OTUD6B: variants seen among roughly 807,000 people sequenced by gnomAD.
OTUD6B encodes OTU deubiquitinase 6B.
In OTUD6B, 41 loss-of-function variants were observed where a neutral mutation model predicts 36.9. The ratio of observed to expected loss-of-function variants is 1.11; its 90% CI spans 0.87 to 1.44. OTUD6B has a LOEUF of 1.44. Among genes scored for constraint, OTUD6B ranks in the 40% most tolerant of loss-of-function variants. OTUD6B has a pLI of 0.00. For synonymous variants in OTUD6B, 114 were observed against 114.2 expected, an observed-to-expected ratio of 1.00 and a Z score of 0.01; for missense variants, 356 against 344.8, an observed-to-expected ratio of 1.03 and a Z score of -0.26.
chr8:91,082,479 T>C (rs996166289), intron 5 of OTUD6B, among the ~76,000 whole-genome samples: 1 of 151,968 alleles, frequency 6.6e-6, no homozygotes, highest in Non-Finnish European at 1.5e-5. Flanking sequence ...CTTCTAGGCT[T>C]AAGCTTTCCT....
In OTUD6B at chr8:91,074,229, T is replaced by A. The variant is rs531069788; in HGVS notation, c.315+318T>A. On this transcript the variant is annotated intron_variant, in intron 3 of 6. Coordinates refer to ENST00000404789, the MANE Select transcript of OTUD6B (RefSeq NM_016023.5). ...TGCAGCTCTCATAGGAGAGCGAAGC[T>A]GGGAGTGGGAGTGCAAAGTAGTTTT... is the stretch of plus-strand genomic sequence containing the variant. Among the ~76,000 whole-genome samples the A allele has an allele frequency of 3.9e-5, 6 of 152,242 alleles. No individual in the cohort carries two copies. In the South Asian group the frequency reaches 1.2e-3, roughly 32 times the overall value.
intron 5 of OTUD6B, among the ~76,000 whole-genome samples, chr8:91,081,433 T>A (rs1812905690): frequency 6.6e-6 from 1 of 151,294 alleles, no homozygotes; most frequent in Non-Finnish European, 1.5e-5. Context: ...GCAGCCTGGG[T>A]ATTAAATAGG....
Position 91,080,696 on chromosome 8 carries a change from T to A in OTUD6B, c.656T>A (p.Ile219Asn). The stretch of plus-strand genomic sequence containing the variant: ...GAATTTCAGAAGTACTGTGAAGATA[T>A]TGTAAACACAGCTGCATGGGGAGGT... ...PEEFQKYCED[I>N]VNTAAWGGQL... The change falls in exon 5 of 7, where the codon ATT becomes AAT. Residue 219 changes from isoleucine (I) to asparagine (N), a missense_variant. By Grantham distance (149) the Ile-to-Asn change is moderately radical. Coordinates refer to ENST00000404789, the MANE Select transcript of OTUD6B (RefSeq NM_016023.5). The A allele has an allele frequency of 6.2e-7, 1 of 1,604,392 alleles. No homozygotes were observed. The highest frequency in any genetic ancestry group is 2.2e-5 in the East Asian group (1 of 44,746).
rs1300571068 is a variant in OTUD6B, at chr8:91,086,986, C to A, written c.*2118C>A. The A allele has an allele frequency of 6.6e-6, 1 of 151,926 alleles. No homozygotes were observed. Among genetic ancestry groups the A allele is most frequent in the Non-Finnish European group, 1.5e-5 (1 of 67,900 alleles). The allele number at this position is 151,926 out of a possible 1,614,324, so 9.4% of individuals were successfully genotyped here. ...TTTATTCACTTAAATTTGTTTACAA[C>A]TTGTATAAAGCAAAAAAGAATGTGT... On this transcript the variant is annotated 3_prime_UTR_variant, in exon 7 of 7. Transcript: ENST00000404789.
chr8:91,077,296 G>GA (rs1217141960), intron 3 of OTUD6B, among the ~76,000 whole-genome samples: 1 of 151,684 alleles, frequency 6.6e-6, no homozygotes, highest in Non-Finnish European at 1.5e-5. Context: ...CCGTCATCCA[G>GA]AAAAAAGCAC....
chr8:91,073,758 G>C, intron 2 of OTUD6B, 73 bp from the exon 3 acceptor site: 12 of 1,449,412 alleles, frequency 8.3e-6, no homozygotes, highest in Middle Eastern at 2.1e-4. Flanking sequence ...TTGAAATGTG[G>C]GATTAGATAT....
At position 91,086,099 on chromosome 8, in the gene OTUD6B, C is replaced by T. The variant is rs1472560955; in HGVS notation, c.*1231C>T. Reference sequence around the variant, plus strand: ...TAAGAGGATATATACAAATGTCTCTCATAATTTATGTAAGGAAATATTATG... The same window carrying T: ...TAAGAGGATATATACAAATGTCTCTTATAATTTATGTAAGGAAATATTATG... On this transcript the variant is annotated 3_prime_UTR_variant, in exon 7 of 7. Transcript: ENST00000404789. 6.6e-6 allele frequency: 1 copy of T among 152,028 alleles called. No individual in the cohort carries two copies. Among genetic ancestry groups the T allele is most frequent in the African/African-American group, 2.4e-5 (1 of 41,428 alleles). The allele number at this position is 152,028 out of a possible 1,614,324, so 9.4% of individuals were successfully genotyped here. A position where few individuals can be genotyped will look rare whatever the true frequency, so the allele number is the denominator to read the frequency against.
intron 2 of OTUD6B, among the ~76,000 whole-genome samples, chr8:91,072,418 A>G (rs796119328): frequency 5.9e-5 from 9 of 152,322 alleles, no homozygotes; most frequent in African/African-American, 2.2e-4. Context: ...GGTTTTGGAT[A>G]TGAAGGGTCA....
chr8:91,083,696 A>G (rs1812950476), intron 5 of OTUD6B, among the ~76,000 whole-genome samples: 1 of 152,194 alleles, frequency 6.6e-6, no homozygotes, highest in Non-Finnish European at 1.5e-5. Context: ...TGTATGAAAC[A>G]TGAATGAATT....
rs2130440896 is a variant in OTUD6B, at chr8:91,080,745, A to G, written c.690+15A>G. Reference sequence around the variant, plus strand: ...GTCAGCTTGAGGTAAGTTTGTAGTTATTCATAGTGATTGTGGGTTGTTAAA... The same window carrying G: ...GTCAGCTTGAGGTAAGTTTGTAGTTGTTCATAGTGATTGTGGGTTGTTAAA... On this transcript the variant is annotated intron_variant, in intron 5 of 6. Transcript: ENST00000404789. 6.4e-7 allele frequency: 1 copy of G among 1,569,378 alleles called. No homozygotes were observed. Among genetic ancestry groups the G allele is most frequent in the East Asian group, 2.3e-5 (1 of 44,270 alleles).
intron 3 of OTUD6B, chr8:91,076,860 CTATTACTT>C: frequency 1.5e-6 from 1 of 648,478 alleles, no homozygotes; most frequent in Non-Finnish European, 2.8e-6. Flanking sequence ...AAATTTGTTC[CTATTACTT>C]ATACAAACCT....
Position 91,084,924 on chromosome 8 carries a change from T to A in OTUD6B, c.*56T>A. Reference sequence around the variant, plus strand: ...TACAGTGTGCTGAACTGAGTATTTCTACCAAGTGTTGGGTTGTTCTAAATG... The same window carrying A: ...TACAGTGTGCTGAACTGAGTATTTCAACCAAGTGTTGGGTTGTTCTAAATG... On this transcript the variant is annotated 3_prime_UTR_variant, in exon 7 of 7. Coordinates refer to ENST00000404789, the MANE Select transcript of OTUD6B (RefSeq NM_016023.5). The A allele has an allele frequency of 1.2e-6, 1 of 853,744 alleles. No individual in the cohort carries two copies. The highest frequency in any genetic ancestry group is 1.8e-6 in the Non-Finnish European group (1 of 566,902). The allele number at this position is 853,744 out of a possible 1,614,324, so 52.9% of individuals were successfully genotyped here. A position where few individuals can be genotyped will look rare whatever the true frequency, so the allele number is the denominator to read the frequency against.
chr8:91,080,816 T>A, intron 5 of OTUD6B, 86 bp downstream of exon 5: 2 of 918,876 alleles, frequency 2.2e-6, no homozygotes, highest in Non-Finnish European at 3.3e-6. Context: ...TCTCAGCTGA[T>A]CCCAATTTCT....
intron 4 of OTUD6B, among the ~76,000 whole-genome samples, chr8:91,080,181 G>A (rs892534046): frequency 2.0e-5 from 3 of 152,130 alleles, no homozygotes; most frequent in Non-Finnish European, 4.4e-5. Flanking sequence ...ACTGTTTGAC[G>A]CTATCTCTGG....
At position 91,084,797 on chromosome 8, in the gene OTUD6B, G is replaced by A. The variant is rs1354318752; in HGVS notation, c.811G>A (p.Ala271Thr). ...KPLILVYMRHAYGLGEHYNSV... is the reference protein window; with the variant it reads ...KPLILVYMRHTYGLGEHYNSV... The stretch of plus-strand genomic sequence containing the variant: ...TTTTAATTTCAGATATATGAGACAT[G>A]CATATGGCTTAGGAGAACATTATAA... The change falls in exon 7 of 7, where the codon GCA (alanine) becomes ACA (threonine). Residue 271 changes from alanine to threonine, a missense_variant. Physicochemically the swap from Ala to Thr is moderately conservative, Grantham distance 58 (BLOSUM62 0). Transcript: ENST00000404789. The A allele has an allele frequency of 3.2e-6, 5 of 1,556,946 alleles. No individual in the cohort carries two copies. Among genetic ancestry groups the A allele is most frequent in the Admixed American group, 1.8e-5 (1 of 54,242 alleles).
At chr8:91,076,255 C>G (rs977683732) in intron 3 of OTUD6B, among the ~76,000 whole-genome samples, 1 of 152,050 alleles carries the variant, frequency 6.6e-6, no homozygotes, top group Admixed American at 6.6e-5. Context: ...GATTTACATG[C>G]TATTTTCATC....
chr8:91,075,127 A>C (rs1020424902), intron 3 of OTUD6B, among the ~76,000 whole-genome samples: 25 of 152,192 alleles, frequency 1.6e-4, no homozygotes, highest in Admixed American at 1.2e-3. Flanking sequence ...TAAACCTAAA[A>C]GCAATGTCTT....
chr8:91,071,346 C>T (rs1812694352), intron 2 of OTUD6B, 57 bp downstream of exon 2: 2 of 1,287,498 alleles, frequency 1.6e-6, no homozygotes, highest in South Asian at 1.4e-5. Flanking sequence ...CTGTCCACTT[C>T]TGTTAAATGT....
intron 3 of OTUD6B, chr8:91,076,501 G>A: frequency 6.6e-7 from 1 of 1,512,436 alleles, no homozygotes; most frequent in Non-Finnish European, 8.8e-7. Context: ...AAACAGTTTT[G>A]CAGATAAGAT....
Sources: allele counts gnomAD v4.1 joint callset (sites outside exome capture counted in the v4.1 genomes callset), GRCh38; gene constraint gnomAD v4.1.1; transcripts MANE v1.5; gene names NCBI Gene and HGNC (gene_info 2026-07-23, HGNC 2026-07-21).